Variants in NDC1 observed in about 807,000 individuals in gnomAD.
NDC1 encodes the protein NDC1 transmembrane nucleoporin.
Under a neutral mutation model 89.8 loss-of-function variants are expected in NDC1, and 24 were observed. The ratio of observed to expected loss-of-function variants is 0.27; its 90% CI spans 0.19 to 0.38. NDC1 has a LOEUF of 0.38. NDC1 is among the 10% of genes least tolerant of loss of function. NDC1 has a pLI of 1.00. For synonymous variants in NDC1, 296 were observed against 284.8 expected, an observed-to-expected ratio of 1.04 and a Z score of -0.39; for missense variants, 728 against 797.6, an observed-to-expected ratio of 0.91 and a Z score of 1.05.
chr1:53,825,968 C>T (rs776461687), intron 4 of NDC1, 32 bp from the exon 5 acceptor site: 6 of 1,604,082 alleles, frequency 3.7e-6, no homozygotes, highest in Non-Finnish European at 5.1e-6. Context: ...ATTAATTCAA[C>T]AGTCAGGGAC....
chr1:53,818,306 G>A (rs1228530205), intron 6 of NDC1, among the ~76,000 whole-genome samples: 1 of 151,930 alleles, frequency 6.6e-6, no homozygotes, highest in African/African-American at 2.4e-5. Flanking sequence ...GTATGGTGGT[G>A]CACGCCTGGT....
intron 3 of NDC1, among the ~76,000 whole-genome samples, chr1:53,830,804 G>A (rs1649035969): frequency 6.6e-6 from 1 of 151,884 alleles, no homozygotes; most frequent in Admixed American, 6.6e-5. Flanking sequence ...AGAGGTTGCG[G>A]TGAGCCGAGA....
intron 16 of NDC1, among the ~76,000 whole-genome samples, chr1:53,783,381 G>A (rs1387745697): frequency 1.3e-5 from 2 of 152,156 alleles, no homozygotes; most frequent in East Asian, 3.8e-4. Flanking sequence ...AGGGAAGATA[G>A]ACATTATAAG....
At chr1:53,770,824 T>C (rs2100615105) in intron 17 of NDC1, among the ~76,000 whole-genome samples, 1 of 151,760 alleles carries the variant, frequency 6.6e-6, no homozygotes, top group South Asian at 2.1e-4. Flanking sequence ...CCAGTGAATT[T>C]TTGTATTTTT....
chr1:53,784,914 C>T (rs896835877), intron 16 of NDC1, among the ~76,000 whole-genome samples: 3 of 151,714 alleles, frequency 2.0e-5, no homozygotes, highest in East Asian at 1.9e-4. Context: ...GCTGAGATCA[C>T]GCCACTGCAC....
At chr1:53,824,509 G>C (rs1648781091) in intron 5 of NDC1, among the ~76,000 whole-genome samples, 1 of 152,180 alleles carries the variant, frequency 6.6e-6, no homozygotes, top group African/African-American at 2.4e-5. Context: ...TAGTGGGAGG[G>C]AGGCTAGTTC....
At chr1:53,811,697 A>G (rs933524749) in intron 6 of NDC1, among the ~76,000 whole-genome samples, 4 of 151,102 alleles carry the variant, frequency 2.6e-5, no homozygotes, top group Non-Finnish European at 5.9e-5. Context: ...CAAAGGACAT[A>G]TAATCTTGGG....
chr1:53,772,321 A>G lies in NDC1; in HGVS notation c.1961+8T>C. 1 of 1,612,932 alleles carries G rather than the reference A, an allele frequency of 6.2e-7. No individual in the cohort carries two copies. The highest frequency in any genetic ancestry group is 8.5e-7 in the Non-Finnish European group (1 of 1,179,136). ...GGTATCATCATGGATCAAAACAGGTAAACTTACTTCAGATGTTCACCAAAT... is the reference window on the plus strand; with the variant it reads ...GGTATCATCATGGATCAAAACAGGTGAACTTACTTCAGATGTTCACCAAAT... On this transcript the variant is annotated splice_region_variant and intron_variant, in intron 17 of 17. Coordinates refer to ENST00000371429, the MANE Select transcript of NDC1 (RefSeq NM_018087.5).
chr1:53,832,514 T>C lies in NDC1; in HGVS notation c.256A>G (p.Ile86Val). The change falls in exon 3 of 18, where the codon ATT (isoleucine) becomes GTT (valine). Residue 86 changes from isoleucine (I) to valine (V), a missense_variant. Ile to Val is a conservative substitution (Grantham distance 29). Transcript: ENST00000371429. Reference sequence around the variant, plus strand: ...CCTGCATAGAACTCCACATTGAAAATACTTATTATTATTATTACCACTGAC... The same window carrying C: ...CCTGCATAGAACTCCACATTGAAAACACTTATTATTATTATTACCACTGAC... ...LLSVVIIIIS[I>V]FNVEFYAVVP... 1 of 1,588,102 alleles carries C rather than the reference T, an allele frequency of 6.3e-7. No homozygotes were observed. Among genetic ancestry groups the C allele is most frequent in the Non-Finnish European group, 8.6e-7 (1 of 1,156,604 alleles).
chr1:53,829,612 T>C (rs1446677407), intron 3 of NDC1, among the ~76,000 whole-genome samples: 1 of 152,182 alleles, frequency 6.6e-6, no homozygotes, highest in East Asian at 1.9e-4. Context: ...ATCATTTCTC[T>C]TTTCTCTCCA....
At position 53,809,564 on chromosome 1, in the gene NDC1, T is replaced by C. The variant is rs150831312; in HGVS notation, c.755+131A>G. The C allele has an allele frequency of 4.3e-3, 2,665 of 626,740 alleles. 29 individuals carry two copies. The highest frequency in any genetic ancestry group is 0.022 in the East Asian group (737 of 33,012). The allele number at this position is 626,740 out of a possible 1,614,324, so 38.8% of individuals were successfully genotyped here. A position where few individuals can be genotyped will look rare whatever the true frequency, so the allele number is the denominator to read the frequency against. On this transcript the variant is annotated intron_variant, in intron 7 of 17. Transcript: ENST00000371429. The stretch of plus-strand genomic sequence containing the variant: ...TTGGAATTTTAAACCATATAAACTA[T>C]ATGTATTCAAAAATGAATACAATTT...
chr1:53,781,825 G>A (rs1457102450), intron 16 of NDC1, among the ~76,000 whole-genome samples: 1 of 152,098 alleles, frequency 6.6e-6, no homozygotes, highest in Admixed American at 6.5e-5. Flanking sequence ...TGGTTTGGGA[G>A]CATTTTAATC....
intron 14 of NDC1, among the ~76,000 whole-genome samples, chr1:53,791,306 C>A (rs1331568021): frequency 6.6e-6 from 1 of 152,096 alleles, no homozygotes; most frequent in African/African-American, 2.4e-5. Flanking sequence ...GTAGTCCCAA[C>A]TACTCAGGAG....
intron 14 of NDC1, among the ~76,000 whole-genome samples, chr1:53,792,387 C>A (rs1647548800): frequency 6.6e-6 from 1 of 152,112 alleles, no homozygotes; most frequent in African/African-American, 2.4e-5. Context: ...GGTGGATCGT[C>A]CCTTCCACCA....
intron 6 of NDC1, among the ~76,000 whole-genome samples, chr1:53,816,318 C>T (rs1202052428): frequency 1.3e-5 from 2 of 152,002 alleles, no homozygotes; most frequent in Non-Finnish European, 2.9e-5. Context: ...AACTGATCTT[C>T]GACAAAGCAA....
chr1:53,835,065 G>A (rs938808292), intron 2 of NDC1, among the ~76,000 whole-genome samples: 1 of 152,182 alleles, frequency 6.6e-6, no homozygotes, highest in Non-Finnish European at 1.5e-5. Context: ...CTGGGTGACA[G>A]AGCAAGACTC....
At chr1:53,776,682 T>C (rs578171598) in intron 16 of NDC1, among the ~76,000 whole-genome samples, 1 of 152,350 alleles carries the variant, frequency 6.6e-6, no homozygotes, top group South Asian at 2.1e-4. Flanking sequence ...TTTTAACATA[T>C]TGGCAATTTT....
At chr1:53,821,389 G>A (rs976117068) in intron 5 of NDC1, among the ~76,000 whole-genome samples, 1 of 152,136 alleles carries the variant, frequency 6.6e-6, no homozygotes, top group Admixed American at 6.5e-5. Context: ...GTTGCAGTGA[G>A]CCGAGACTGC....
chr1:53,811,292 G>A (rs947989783), intron 6 of NDC1, among the ~76,000 whole-genome samples: 2 of 152,136 alleles, frequency 1.3e-5, no homozygotes, highest in African/African-American at 4.8e-5. Flanking sequence ...TTGGGGGAGA[G>A]GGCAAATCTA....
Sources: allele counts gnomAD v4.1 joint callset (sites outside exome capture counted in the v4.1 genomes callset), GRCh38; gene constraint gnomAD v4.1.1; transcripts MANE v1.5; gene names NCBI Gene and HGNC (gene_info 2026-07-23, HGNC 2026-07-21).